Variants in DLGAP2 observed in about 807,000 individuals in gnomAD.
DLGAP2 encodes the protein disks large-associated protein 2.
DLGAP2 carries 26 observed loss-of-function variants against 100.3 expected under a neutral mutation model. The observed-to-expected ratio is 0.26, with a 90% confidence interval of 0.19 to 0.36. The LOEUF is 0.36. DLGAP2 is among the 10% of genes least tolerant of loss of function. DLGAP2 has a pLI of 1.00. For synonymous variants in DLGAP2, 886 were observed against 630.1 expected (o/e 1.41, Z -6.08); for missense variants, 1,858 against 1,453.2 (o/e 1.28, Z -4.53).
Position 1,550,905 on chromosome 8 carries a change from C to T in DLGAP2, c.1230+1222C>T, listed in dbSNP as rs571374842. 7.2e-5 allele frequency among the ~76,000 whole-genome samples: 11 copies of T among 152,336 alleles called. No individual in the cohort carries two copies. The East Asian group carries it at 1.5e-3, about 21-fold the overall frequency. ...AATCACTCTTGCTTGCCTAGAGCAG[C>T]GGCTGTGGGCCTCGCATCAGCTTAG... On this transcript the variant is annotated intron_variant, in intron 5 of 14. Coordinates refer to ENST00000637795, the MANE Select transcript of DLGAP2 (RefSeq NM_001346810.2).
chr8:1,187,404 TGTCACACGCCCGGGAC>T (rs1797529815), intron 2 of DLGAP2, among the ~76,000 whole-genome samples: 3 of 134,888 alleles, frequency 2.2e-5, no homozygotes, highest in African/African-American at 9.0e-5. Context: ...CCTCACGGAA[TGTCACACGCCCGGGAC>T]CTCCGTGACG....
At chr8:1,198,868 C>A (rs998966622) in intron 2 of DLGAP2, among the ~76,000 whole-genome samples, 1 of 152,202 alleles carries the variant, frequency 6.6e-6, no homozygotes, top group Non-Finnish European at 1.5e-5. Flanking sequence ...GGAGCTGCAC[C>A]CCCACGCCTG....
chr8:1,235,661 T>G lies in DLGAP2; in HGVS notation c.74-23190T>G. Among the ~76,000 whole-genome samples the G allele has an allele frequency of 9.5e-5, 4 of 42,180 alleles. 2 individuals carry two copies. Among genetic ancestry groups the G allele is most frequent in the Non-Finnish European group, 1.8e-4 (4 of 22,558 alleles). 27.7% of individuals were successfully genotyped at this position (42,180 alleles called of 152,430 possible). A position where few individuals can be genotyped will look rare whatever the true frequency, so the allele number is the denominator to read the frequency against. ...GTCTAGTTCTCTCTCACACAGAGCA[T>G]CATGTCTAGTTCTCTCACATGGCGC... On this transcript the variant is annotated intron_variant, in intron 2 of 14. Coordinates refer to ENST00000637795, the MANE Select transcript of DLGAP2 (RefSeq NM_001346810.2).
intron 2 of DLGAP2, among the ~76,000 whole-genome samples, chr8:1,138,533 A>G (rs981720714): frequency 2.0e-5 from 3 of 152,232 alleles, no homozygotes; most frequent in Non-Finnish European, 2.9e-5. Context: ...GTGGGCTGGC[A>G]AGCAGAGAGG....
At chr8:993,889 T>C (rs1271944736) in intron 2 of DLGAP2, among the ~76,000 whole-genome samples, 2 of 151,180 alleles carry the variant, frequency 1.3e-5, no homozygotes, top group South Asian at 2.1e-4. Flanking sequence ...CTGTGTCGTT[T>C]CAGCTACTTA....
intron 8 of DLGAP2, among the ~76,000 whole-genome samples, chr8:1,663,022 G>C (rs1798450637): frequency 6.8e-6 from 1 of 148,102 alleles, no homozygotes; most frequent in Non-Finnish European, 1.5e-5. Flanking sequence ...GTGTATACCT[G>C]TGTGAGTGTG....
intron 4 of DLGAP2, among the ~76,000 whole-genome samples, chr8:1,507,425 C>T (rs1006298630): frequency 2.0e-5 from 3 of 152,200 alleles, no homozygotes; most frequent in African/African-American, 4.8e-5. Flanking sequence ...GCCCCGCTGG[C>T]GCTGGCCGGC....
chr8:1,455,951 C>T (rs1424104957), intron 3 of DLGAP2, among the ~76,000 whole-genome samples: 1 of 152,222 alleles, frequency 6.6e-6, no homozygotes, highest in Non-Finnish European at 1.5e-5. Context: ...AGGCCCCCAG[C>T]ATGTGGTCAG....
intron 4 of DLGAP2, among the ~76,000 whole-genome samples, chr8:1,516,588 T>C (rs1206867909): frequency 6.7e-6 from 1 of 150,006 alleles, no homozygotes; most frequent in Non-Finnish European, 1.5e-5. Context: ...AATGAGTGAG[T>C]GAATGAGTGC....
chr8:829,573 C>A (rs1028104746), intron 1 of DLGAP2, among the ~76,000 whole-genome samples: 2 of 152,140 alleles, frequency 1.3e-5, no homozygotes, highest in Non-Finnish European at 2.9e-5. Flanking sequence ...TTATTCAGAG[C>A]TTTGCTTCTA....
intron 3 of DLGAP2, among the ~76,000 whole-genome samples, chr8:1,453,705 C>T (rs937797971): frequency 1.3e-5 from 2 of 152,158 alleles, no homozygotes; most frequent in African/African-American, 4.8e-5. Context: ...AGAATCCGCC[C>T]CATCAACTCT....
chr8:1,175,317 G>A (rs139254118), intron 2 of DLGAP2, among the ~76,000 whole-genome samples: 4 of 152,036 alleles, frequency 2.6e-5, no homozygotes, highest in East Asian at 3.9e-4. Flanking sequence ...ATACATGTAC[G>A]TGTGGGCTTA....
At chr8:1,507,193 GC>G (rs1563190071) in intron 4 of DLGAP2, among the ~76,000 whole-genome samples, 3 of 152,218 alleles carry the variant, frequency 2.0e-5, no homozygotes, top group African/African-American at 7.2e-5. Context: ...GGGACCGGGC[GC>G]CGCGGAGCAG....
At chr8:1,105,828 G>GA (rs1804742690) in intron 2 of DLGAP2, among the ~76,000 whole-genome samples, 1 of 146,026 alleles carries the variant, frequency 6.8e-6, no homozygotes, top group Admixed American at 6.8e-5. Flanking sequence ...TACTGAAGGG[G>GA]GCCATTCTAG....
At chr8:1,226,747 T>C (rs1277984045) in intron 2 of DLGAP2, among the ~76,000 whole-genome samples, 1 of 152,104 alleles carries the variant, frequency 6.6e-6, no homozygotes, top group Non-Finnish European at 1.5e-5. Flanking sequence ...CACACAACTG[T>C]TGAACGTTTG....
At chr8:1,327,063 C>T (rs992884014) in intron 3 of DLGAP2, among the ~76,000 whole-genome samples, 3 of 152,230 alleles carry the variant, frequency 2.0e-5, no homozygotes, top group African/African-American at 7.2e-5. Context: ...CCGGGCAGGC[C>T]CCTGGAGGCA....
chr8:1,257,800 C>T (rs879650950), intron 2 of DLGAP2, among the ~76,000 whole-genome samples: 2 of 152,216 alleles, frequency 1.3e-5, no homozygotes, highest in African/African-American at 2.4e-5. Context: ...GCTGTCCCTG[C>T]AGTCTTGATA....
At chr8:1,357,442 C>T (rs1361281879) in intron 3 of DLGAP2, among the ~76,000 whole-genome samples, 1 of 150,106 alleles carries the variant, frequency 6.7e-6, no homozygotes, top group Non-Finnish European at 1.5e-5. Context: ...AAAACAGTCA[C>T]TGCAATTATC....
intron 7 of DLGAP2, among the ~76,000 whole-genome samples, chr8:1,630,654 A>G (rs1296875525): frequency 1.3e-5 from 2 of 151,968 alleles, no homozygotes; most frequent in African/African-American, 4.8e-5. Flanking sequence ...GTGAGCCGAG[A>G]TCACGCCACT....
Sources: allele counts gnomAD v4.1 joint callset (sites outside exome capture counted in the v4.1 genomes callset), GRCh38; gene constraint gnomAD v4.1.1; transcripts MANE v1.5; gene names NCBI Gene and HGNC (gene_info 2026-07-23, HGNC 2026-07-21).